Variants in ADAMTS3 observed in about 807,000 individuals in gnomAD.
The protein encoded by ADAMTS3 is ADAM metallopeptidase with thrombospondin type 1 motif 3.
A neutral mutation model predicts 129.0 loss-of-function variants in ADAMTS3; 73 were observed. The observed-to-expected ratio is 0.57, with a 90% confidence interval of 0.47 to 0.69. The LOEUF (loss-of-function observed/expected upper bound fraction) is 0.69, where lower values mean the gene tolerates loss of function less well. Ranked by LOEUF, ADAMTS3 falls within the 30% of genes least tolerant of loss-of-function variation. The pLI, the probability that ADAMTS3 is intolerant of heterozygous loss-of-function variation, is 0.00. For synonymous variants in ADAMTS3, 477 were observed against 510.8 expected (o/e 0.93, Z 0.89); for missense variants, 1,457 against 1,514.5 (o/e 0.96, Z 0.63).
At chr4:72,288,612 G>T (rs1372509781) in intron 21 of ADAMTS3, 139 bp downstream of exon 21, 4 of 642,464 alleles carry the variant, frequency 6.2e-6, no homozygotes, top group Non-Finnish European at 1.1e-5. Flanking sequence ...AACTGAACTG[G>T]ACTAATATTT....
At chr4:72,505,421 A>G (rs188318764) in intron 3 of ADAMTS3, among the ~76,000 whole-genome samples, 370 of 152,268 alleles carry the variant, frequency 2.4e-3, no homozygotes, top group South Asian at 4.6e-3. Flanking sequence ...GATGGCGCTT[A>G]TGGGTAAGAG....
chr4:72,380,986 T>C (rs916956675), intron 4 of ADAMTS3, among the ~76,000 whole-genome samples: 7 of 152,110 alleles, frequency 4.6e-5, no homozygotes, highest in African/African-American at 1.7e-4. Flanking sequence ...GGAGGTGACA[T>C]TTATCACTGA....
intron 3 of ADAMTS3, among the ~76,000 whole-genome samples, chr4:72,524,945 T>C (rs1183412187): frequency 2.6e-5 from 4 of 152,180 alleles, no homozygotes; most frequent in African/African-American, 9.7e-5. Context: ...GGAAAAACAC[T>C]AGAGACAGCA....
chr4:72,344,232 T>A (rs1049433685), intron 4 of ADAMTS3, among the ~76,000 whole-genome samples: 17 of 152,162 alleles, frequency 1.1e-4, no homozygotes, highest in African/African-American at 3.9e-4. Context: ...TTATGGACAC[T>A]AAGGCTTGAA....
intron 3 of ADAMTS3, among the ~76,000 whole-genome samples, chr4:72,427,820 C>T (rs905046158): frequency 6.6e-6 from 1 of 151,824 alleles, no homozygotes; most frequent in African/African-American, 2.4e-5. Context: ...TCTAACCCTT[C>T]TCCTCTCCTA....
chr4:72,390,517 A>G (rs1188884565), intron 4 of ADAMTS3, among the ~76,000 whole-genome samples: 1 of 152,166 alleles, frequency 6.6e-6, no homozygotes, highest in Non-Finnish European at 1.5e-5. Context: ...TTTTATTTTT[A>G]ACTTTACTCA....
chr4:72,356,467 T>C (rs1720584768), intron 4 of ADAMTS3, among the ~76,000 whole-genome samples: 1 of 151,964 alleles, frequency 6.6e-6, no homozygotes, highest in Non-Finnish European at 1.5e-5. Context: ...GTTGTTATAA[T>C]GTTTTTGTAA....
At chr4:72,478,899 A>G (rs1287536776) in intron 3 of ADAMTS3, among the ~76,000 whole-genome samples, 6 of 151,868 alleles carry the variant, frequency 4.0e-5, no homozygotes, top group African/African-American at 1.5e-4. Flanking sequence ...TACACCAATA[A>G]CAGACAAACA....
intron 3 of ADAMTS3, among the ~76,000 whole-genome samples, chr4:72,487,600 T>C (rs901376468): frequency 6.6e-6 from 1 of 152,142 alleles, no homozygotes; most frequent in African/African-American, 2.4e-5. Context: ...TGCAGTCTTA[T>C]ATCGGTTAGT....
chr4:72,556,200 T>A (rs755707264), intron 2 of ADAMTS3, among the ~76,000 whole-genome samples: 6 of 151,678 alleles, frequency 4.0e-5, no homozygotes, highest in Non-Finnish European at 7.4e-5. Flanking sequence ...CTTGGGAGAT[T>A]GCTCTGTGCT....
At chr4:72,515,299 T>C (rs1368503419) in intron 3 of ADAMTS3, among the ~76,000 whole-genome samples, 5 of 151,220 alleles carry the variant, frequency 3.3e-5, no homozygotes, top group Non-Finnish European at 7.4e-5. Flanking sequence ...TAAACATACA[T>C]GTGCATGTGT....
intron 3 of ADAMTS3, among the ~76,000 whole-genome samples, chr4:72,476,191 G>C (rs1453182698): frequency 2.0e-5 from 3 of 151,764 alleles, no homozygotes; most frequent in Non-Finnish European, 2.9e-5. Flanking sequence ...CAAAGAGCTA[G>C]GTCTTTGAAA....
intron 3 of ADAMTS3, among the ~76,000 whole-genome samples, chr4:72,501,052 C>T (rs1720007396): frequency 1.3e-5 from 2 of 152,052 alleles, no homozygotes; most frequent in Admixed American, 6.6e-5. Flanking sequence ...AATGTGAGGC[C>T]TCTGGCTTTG....
At position 72,464,755 on chromosome 4, in the gene ADAMTS3, C is replaced by G. The variant is rs576040797; in HGVS notation, c.505-49784G>C. Among the ~76,000 whole-genome samples, 31 of 152,128 alleles carry G rather than the reference C, an allele frequency of 2.0e-4. 1 individual carries two copies. In the South Asian group the frequency reaches 5.4e-3, roughly 26 times the overall value. ...TAAGAATGTGCAAGAAGTGTCTCTACAAAGTAATGGACCAAAATTCTATGA... is the reference window on the plus strand; with the variant it reads ...TAAGAATGTGCAAGAAGTGTCTCTAGAAAGTAATGGACCAAAATTCTATGA... On this transcript the variant is annotated intron_variant, in intron 3 of 21. Coordinates refer to ENST00000286657, the MANE Select transcript of ADAMTS3 (RefSeq NM_014243.3).
At chr4:72,568,671 TA>T (rs1268866565) in intron 1 of ADAMTS3, 22 bp downstream of exon 1, 1 of 1,561,916 alleles carries the variant, frequency 6.4e-7, no homozygotes, top group Admixed American at 1.8e-5. Flanking sequence ...AGTTTTTTTT[TA>T]TTGTTATTAT....
At position 72,358,503 on chromosome 4, in the gene ADAMTS3, G is replaced by A. The variant is rs941528686; in HGVS notation, c.662-18810C>T. On this transcript the variant is annotated intron_variant, in intron 4 of 21. Coordinates refer to ENST00000286657, the MANE Select transcript of ADAMTS3 (RefSeq NM_014243.3). Reference sequence around the variant, plus strand: ...CTATCGTATGAACTATTCATTTTTCGTTGATCTGCTTGTTTTAAAAATATG... The same window carrying A: ...CTATCGTATGAACTATTCATTTTTCATTGATCTGCTTGTTTTAAAAATATG... Among the ~76,000 whole-genome samples the A allele has an allele frequency of 6.6e-5, 10 of 151,848 alleles. No individual in the cohort carries two copies. In the East Asian group the frequency reaches 1.2e-3, roughly 18 times the overall value.
At chr4:72,393,294 T>C (rs142021501) in intron 4 of ADAMTS3, among the ~76,000 whole-genome samples, 7 of 152,284 alleles carry the variant, frequency 4.6e-5, no homozygotes, top group African/African-American at 1.7e-4. Flanking sequence ...ATATGTTAGA[T>C]TAGGATTGGA....
intron 4 of ADAMTS3, among the ~76,000 whole-genome samples, chr4:72,340,032 T>C (rs1266131166): frequency 1.3e-5 from 2 of 152,124 alleles, no homozygotes; most frequent in East Asian, 3.9e-4. Flanking sequence ...AGGCTGGCTA[T>C]GTAGTTATTA....
In ADAMTS3 at chr4:72,568,961, T is replaced by C; in HGVS notation, c.-199A>G. 3.3e-6 allele frequency: 2 copies of C among 608,984 alleles called. No homozygotes were observed. Among genetic ancestry groups the C allele is most frequent in the Non-Finnish European group, 5.9e-6 (2 of 339,748 alleles). 37.7% of individuals were successfully genotyped at this position (608,984 alleles called of 1,614,324 possible). A position where few individuals can be genotyped will look rare whatever the true frequency, so the allele number is the denominator to read the frequency against. ...ACTGGCCCCCTCTGCTCTGCAGTTT[T>C]TTCCACTTCACCTTCTCACCCCGTC... is the stretch of plus-strand genomic sequence containing the variant. On this transcript the variant is annotated 5_prime_UTR_variant, in exon 1 of 22. Coordinates refer to ENST00000286657, the MANE Select transcript of ADAMTS3 (RefSeq NM_014243.3).
Sources: allele counts gnomAD v4.1 joint callset (sites outside exome capture counted in the v4.1 genomes callset), GRCh38; gene constraint gnomAD v4.1.1; transcripts MANE v1.5; gene names NCBI Gene and HGNC (gene_info 2026-07-23, HGNC 2026-07-21).